Variants in RERE observed in about 807,000 individuals in gnomAD.
RERE encodes arginine-glutamic acid dipeptide repeats protein.
In RERE, 40 loss-of-function variants were observed where a neutral mutation model predicts 146.1. That is an observed-to-expected ratio of 0.27 (90% CI 0.21 to 0.36). RERE has a LOEUF of 0.36. Among genes scored for constraint, RERE ranks in the 10% least tolerant of loss-of-function variants. RERE has a pLI of 1.00. For missense variants in RERE, 1,933 were observed against 2,138.7 expected, an observed-to-expected ratio of 0.90 and a Z score of 1.90; for synonymous variants, 1,003 against 866.0, an observed-to-expected ratio of 1.16 and a Z score of -2.78.
intron 1 of RERE, among the ~76,000 whole-genome samples, chr1:8,689,370 G>A (rs1570611390): frequency 6.6e-6 from 1 of 152,218 alleles, no homozygotes; most frequent in East Asian, 1.9e-4. Flanking sequence ...CAATTTTCTG[G>A]TTGTAGATAG....
chr1:8,355,670 A>C, intron 21 of RERE, 71 bp from the exon 22 acceptor site: 3 of 1,356,166 alleles, frequency 2.2e-6, no homozygotes, highest in Non-Finnish European at 3.0e-6. Flanking sequence ...CGGCACAGGC[A>C]CAGCAAACGG....
Position 8,356,903 on chromosome 1 carries a change from C to T in RERE, c.4340-657G>A, listed in dbSNP as rs1369636058. On this transcript the variant is annotated intron_variant, in intron 20 of 22. Coordinates refer to ENST00000400908, the MANE Select transcript of RERE (RefSeq NM_001042681.2). This position sits in a 1 kb window ranked among gnomAD's most constrained non-coding sequence, Gnocchi z 5.2. ...CTCCAGCCATGCTGCCCTGGGGTCC[C>T]TGGAAGATTGGGAGCCCCCGCTCTG... 6.6e-6 allele frequency among the ~76,000 whole-genome samples: 1 copy of T among 152,200 alleles called. No individual in the cohort carries two copies. Among genetic ancestry groups the T allele is most frequent in the African/African-American group, 2.4e-5 (1 of 41,440 alleles).
intron 12 of RERE, among the ~76,000 whole-genome samples, chr1:8,380,115 T>TC: frequency 6.8e-6 from 1 of 147,054 alleles, no homozygotes; most frequent in Non-Finnish European, 1.5e-5. Flanking sequence ...CATAACCCCA[T>TC]CCCTCCCACC....
intron 11 of RERE, among the ~76,000 whole-genome samples, chr1:8,443,166 G>A (rs1365712623): frequency 6.6e-6 from 1 of 152,216 alleles, no homozygotes; most frequent in African/African-American, 2.4e-5. Flanking sequence ...ATGTGGCAAA[G>A]AAAGAAAAGC....
chr1:8,499,993 G>A (rs1197452017), intron 8 of RERE, among the ~76,000 whole-genome samples: 4 of 152,162 alleles, frequency 2.6e-5, no homozygotes, highest in Admixed American at 6.5e-5. Flanking sequence ...GGTGGCACAC[G>A]CCTATAGTGC....
chr1:8,607,534 C>CTTTTTTCTTTTTT (rs1646733411), intron 4 of RERE, among the ~76,000 whole-genome samples: 14 of 48,588 alleles, frequency 2.9e-4, no homozygotes, highest in African/African-American at 1.2e-3. Flanking sequence ...ATATATATTT[C>CTTTTTTCTTTTTT]TTTTTTTTTT....
At chr1:8,683,192 G>A (rs1220125364) in intron 1 of RERE, among the ~76,000 whole-genome samples, 2 of 152,080 alleles carry the variant, frequency 1.3e-5, no homozygotes, top group South Asian at 2.1e-4. Flanking sequence ...ATTCAAAGGG[G>A]AGAGGATGCA....
chr1:8,495,292 C>A, intron 9 of RERE, 130 bp from the exon 10 acceptor site: 1 of 619,150 alleles, frequency 1.6e-6, no homozygotes. Flanking sequence ...GAACCAGTTC[C>A]CAGCTCTGCC....
intron 7 of RERE, among the ~76,000 whole-genome samples, chr1:8,529,452 A>T (rs1467401867): frequency 2.4e-5 from 3 of 123,360 alleles, no homozygotes; most frequent in East Asian, 4.9e-4. Context: ...ACTACACCCA[A>T]CTAAATTTTT....
intron 11 of RERE, among the ~76,000 whole-genome samples, chr1:8,453,441 C>T (rs1285060300): frequency 6.6e-6 from 1 of 152,146 alleles, no homozygotes; most frequent in Non-Finnish European, 1.5e-5. Context: ...GGCAAAGCTC[C>T]TTTATTTCTT....
At chr1:8,656,800 A>G (rs1269985154) in intron 1 of RERE, among the ~76,000 whole-genome samples, 1 of 152,186 alleles carries the variant, frequency 6.6e-6, no homozygotes, top group Non-Finnish European at 1.5e-5. Flanking sequence ...TAATTTAAAG[A>G]GGAAAGAATC....
intron 1 of RERE, among the ~76,000 whole-genome samples, chr1:8,674,602 T>A (rs1164041194): frequency 1.3e-5 from 2 of 152,184 alleles, no homozygotes; most frequent in African/African-American, 4.8e-5. Flanking sequence ...TCTCATATAG[T>A]GTAAAATAAA....
chr1:8,640,045 TGAGAGGCTGAAGTG>T (rs1647155983), intron 2 of RERE, among the ~76,000 whole-genome samples: 1 of 152,004 alleles, frequency 6.6e-6, no homozygotes, highest in South Asian at 2.1e-4. Context: ...CCCAGCTACT[TGAGAGGCTGAAGTG>T]GGGAGGACTG....
At position 8,645,206 on chromosome 1, in the gene RERE, C is replaced by T. The variant is rs1281965885; in HGVS notation, c.325+10767G>A. On this transcript the variant is annotated intron_variant, in intron 2 of 22. Transcript: ENST00000400908. ...CATGTTGTAGCTCCCTTACTATTTA[C>T]AGCCAAGTTCACAGTGCCCTTTGCA... Among the ~76,000 whole-genome samples the T allele has an allele frequency of 4.6e-5, 7 of 152,216 alleles. No homozygotes were observed. In the South Asian group the frequency reaches 1.4e-3, roughly 31 times the overall value.
chr1:8,364,519 C>A lies in RERE; in HGVS notation c.1540+227G>T, dbSNP rs1367794454. 6.6e-6 allele frequency among the ~76,000 whole-genome samples: 1 copy of A among 152,150 alleles called. No individual in the cohort carries two copies. Among genetic ancestry groups the A allele is most frequent in the South Asian group, 2.1e-4 (1 of 4,834 alleles). On this transcript the variant is annotated intron_variant, in intron 14 of 22. Coordinates refer to ENST00000400908, the MANE Select transcript of RERE (RefSeq NM_001042681.2). The surrounding 1 kb of genome is among the most constrained non-coding windows in gnomAD (Gnocchi z 5.1). ...CCTGGGAACTACAGTGTCAACCCCC[C>A]AATCCCACTCAATCTGTCCTGCCTA...
At chr1:8,414,574 T>A (rs986301558) in intron 12 of RERE, among the ~76,000 whole-genome samples, 9 of 151,528 alleles carry the variant, frequency 5.9e-5, no homozygotes, top group Non-Finnish European at 1.3e-4. Context: ...TAAATAACAT[T>A]TCAATAGTCA....
intron 11 of RERE, among the ~76,000 whole-genome samples, chr1:8,460,369 C>T (rs762324797): frequency 5.0e-4 from 76 of 152,142 alleles, no homozygotes; most frequent in Admixed American, 6.5e-4. Context: ...ACCGGCCGCA[C>T]GGGTTCACTG....
At chr1:8,812,396 C>T (rs75634300) in intron 1 of RERE, among the ~76,000 whole-genome samples, 34,546 of 152,104 alleles carry the variant, frequency 0.23, 4,179 homozygotes, top group Middle Eastern at 0.27. Flanking sequence ...CCTGTAATCC[C>T]GGCCCTTTAG....
intron 12 of RERE, among the ~76,000 whole-genome samples, chr1:8,386,598 A>G (rs538124059): frequency 2.0e-5 from 2 of 98,972 alleles, no homozygotes; most frequent in Non-Finnish European, 4.5e-5. Context: ...GAAAAGGACA[A>G]TCCATTGAAA....
Sources: gnomAD v4.1 joint callset for allele counts (sites outside exome capture counted in the v4.1 genomes callset) on GRCh38, gnomAD v4.1.1 for gene constraint, Gnocchi (gnomAD v3.1) non-coding constraint, MANE v1.5 for transcripts, NCBI Gene and HGNC (gene_info 2026-07-23, HGNC 2026-07-21) for gene names.